The following RNF43 variants were observed in gnomAD, a reference collection of about 807,000 sequenced individuals.
RNF43 encodes the protein ring finger protein 43.
A neutral mutation model predicts 78.4 loss-of-function variants in RNF43; 37 were observed. That is an observed-to-expected ratio of 0.47 (90% CI 0.36 to 0.62). RNF43 has a LOEUF of 0.62. RNF43 is among the 20% of genes least tolerant of loss of function. RNF43 has a pLI of 0.00. For synonymous variants in RNF43, 347 were observed against 395.0 expected, an observed-to-expected ratio of 0.88 and a Z score of 1.44; for missense variants, 774 against 1,007.9, an observed-to-expected ratio of 0.77 and a Z score of 3.14.
chr17:58,359,539 G>C (rs1478369077), intron 8 of RNF43, among the ~76,000 whole-genome samples: 1 of 151,826 alleles, frequency 6.6e-6, no homozygotes, highest in East Asian at 1.9e-4. Context: ...GGGAGGCGGA[G>C]CTTGCAGTGA....
intron 2 of RNF43, among the ~76,000 whole-genome samples, chr17:58,407,863 C>G (rs975023681): frequency 1.3e-5 from 2 of 152,172 alleles, no homozygotes; most frequent in African/African-American, 4.8e-5. Flanking sequence ...CTACTAATCT[C>G]AAAACATGTG....
chr17:58,386,471 G>A (rs1973438816), intron 2 of RNF43, among the ~76,000 whole-genome samples: 1 of 152,154 alleles, frequency 6.6e-6, no homozygotes, highest in Admixed American at 6.5e-5. Flanking sequence ...GAAGATCATT[G>A]CGGAGATAAA....
intron 2 of RNF43, among the ~76,000 whole-genome samples, chr17:58,399,840 C>G (rs142311108): frequency 6.6e-6 from 1 of 152,152 alleles, no homozygotes; most frequent in Non-Finnish European, 1.5e-5. Context: ...CTGGGTTTCA[C>G]CATGCTGTTC....
chr17:58,396,396 C>T (rs1342392546), intron 2 of RNF43, among the ~76,000 whole-genome samples: 5 of 152,188 alleles, frequency 3.3e-5, no homozygotes, highest in Non-Finnish European at 7.4e-5. Context: ...TCAGATCCCA[C>T]ATGCTGAAAC....
Position 58,357,037 on chromosome 17 carries a change from G to A in RNF43, c.2308+431C>T, listed in dbSNP as rs1208010353. 6 of 599,686 alleles carry A rather than the reference G, an allele frequency of 1.0e-5. No homozygotes were observed. Among genetic ancestry groups the A allele is most frequent in the African/African-American group, 5.6e-5 (3 of 53,800 alleles). The allele number at this position is 599,686 out of a possible 1,614,324, so 37.1% of individuals were successfully genotyped here. The stretch of plus-strand genomic sequence containing the variant: ...GCCTCCTGAGTAGCTGGGATTATAA[G>A]TGCCCGCCACCATACCCGGCTAATT... On this transcript the variant is annotated intron_variant, in intron 9 of 9. Coordinates refer to ENST00000407977, the MANE Select transcript of RNF43 (RefSeq NM_017763.6). This position sits in a 1 kb window ranked among gnomAD's most constrained non-coding sequence, Gnocchi z 4.5.
chr17:58,403,034 T>C (rs550689451), intron 2 of RNF43, among the ~76,000 whole-genome samples: 6 of 152,190 alleles, frequency 3.9e-5, no homozygotes, highest in African/African-American at 1.4e-4. Context: ...TCGAGTTTAT[T>C]AGTAGTGTTT....
chr17:58,400,204 C>T (rs2018966), intron 2 of RNF43, among the ~76,000 whole-genome samples: 128,709 of 152,168 alleles, frequency 0.85, 54,763 homozygotes, highest in East Asian at 1. Context: ...CCAGAACTCA[C>T]ATACTATTAG....
intron 2 of RNF43, among the ~76,000 whole-genome samples, chr17:58,371,839 C>T (rs2143521550): frequency 6.6e-6 from 1 of 152,328 alleles, no homozygotes; most frequent in Admixed American, 6.5e-5. Context: ...TAAAGGAGAA[C>T]GTGCTGACAG....
chr17:58,416,565 TA>T (rs1974129763), intron 1 of RNF43: 1 of 152,210 alleles, frequency 6.6e-6, no homozygotes. Flanking sequence ...GAAACTACTT[TA>T]ATATCCAGAT....
intron 2 of RNF43, among the ~76,000 whole-genome samples, chr17:58,381,296 C>A (rs1169058650): frequency 6.6e-6 from 1 of 152,208 alleles, no homozygotes; most frequent in African/African-American, 2.4e-5. Flanking sequence ...GAGGCAACAG[C>A]CAGGAAGGGC....
At chr17:58,375,527 T>TG (rs1462048673) in intron 2 of RNF43, among the ~76,000 whole-genome samples, 2 of 152,362 alleles carry the variant, frequency 1.3e-5, no homozygotes, top group African/African-American at 4.8e-5. Context: ...GAGTCTAGCC[T>TG]GCCCCCCACT....
chr17:58,399,953 T>TA (rs1187666492), intron 2 of RNF43, among the ~76,000 whole-genome samples: 1 of 152,000 alleles, frequency 6.6e-6, no homozygotes, highest in Non-Finnish European at 1.5e-5. Flanking sequence ...AGCAGCAATT[T>TA]AAAAAAATAC....
chr17:58,408,059 C>T (rs1973949849), intron 2 of RNF43, among the ~76,000 whole-genome samples: 1 of 152,200 alleles, frequency 6.6e-6, no homozygotes, highest in Non-Finnish European at 1.5e-5. Flanking sequence ...AAGGTCAGGC[C>T]ACTTTCTTAT....
chr17:58,406,174 T>C (rs1358097200), intron 2 of RNF43, among the ~76,000 whole-genome samples: 1 of 152,214 alleles, frequency 6.6e-6, no homozygotes, highest in Non-Finnish European at 1.5e-5. Flanking sequence ...TGCCTGTAGT[T>C]GACTAGGGAT....
chr17:58,395,676 A>G (rs1380543340), intron 2 of RNF43, among the ~76,000 whole-genome samples: 1 of 152,226 alleles, frequency 6.6e-6, no homozygotes, highest in Non-Finnish European at 1.5e-5. Flanking sequence ...AGCTTGACAA[A>G]AAGAAAGGTG....
At chr17:58,372,123 G>C (rs931988405) in intron 2 of RNF43, among the ~76,000 whole-genome samples, 1 of 152,178 alleles carries the variant, frequency 6.6e-6, no homozygotes, top group Non-Finnish European at 1.5e-5. Flanking sequence ...AGGACTTCCA[G>C]AAAGAACCAT....
At chr17:58,398,235 T>C (rs1973724949) in intron 2 of RNF43, among the ~76,000 whole-genome samples, 1 of 152,214 alleles carries the variant, frequency 6.6e-6, no homozygotes, top group Non-Finnish European at 1.5e-5. Context: ...ATTGGTGCAC[T>C]TTCCTGCCTA....
At chr17:58,364,136 C>T (rs1331753577) in intron 3 of RNF43, among the ~76,000 whole-genome samples, 1 of 152,236 alleles carries the variant, frequency 6.6e-6, no homozygotes, top group Non-Finnish European at 1.5e-5. Flanking sequence ...GGACGCCACT[C>T]TCACGCAAGG....
chr17:58,394,852 TG>T (rs1376588606), intron 2 of RNF43: 1 of 152,202 alleles, frequency 6.6e-6, no homozygotes, highest in African/African-American at 2.4e-5. Flanking sequence ...TTAGGACTTT[TG>T]GGGTGGGTGG....
Sources: gnomAD v4.1 joint callset for allele counts (sites outside exome capture counted in the v4.1 genomes callset) on GRCh38, gnomAD v4.1.1 for gene constraint, Gnocchi (gnomAD v3.1) non-coding constraint, MANE v1.5 for transcripts, NCBI Gene and HGNC (gene_info 2026-07-23, HGNC 2026-07-21) for gene names.